The following C19orf47 variants were observed in gnomAD, a reference collection of about 807,000 sequenced individuals.
The protein encoded by C19orf47 is chromosome 19 open reading frame 47.
In C19orf47, 18 loss-of-function variants were observed where a neutral mutation model predicts 32.3. The ratio of observed to expected loss-of-function variants is 0.56; its 90% confidence interval spans 0.39 to 0.83. C19orf47 has a LOEUF of 0.83. C19orf47 is among the 40% of genes least tolerant of loss of function. The pLI is 0.00. For missense variants in C19orf47, 484 were observed against 531.6 expected (o/e 0.91, Z 0.88); for synonymous variants, 202 against 211.1 (o/e 0.96, Z 0.37).
chr19:40,321,560 G>A lies in C19orf47; in HGVS notation c.*322C>T, dbSNP rs1165974742. The A allele has an allele frequency of 1.8e-6, 2 of 1,110,670 alleles. No homozygotes were observed. Among genetic ancestry groups the A allele is most frequent in the African/African-American group, 1.6e-5 (1 of 61,234 alleles). 68.8% of individuals were successfully genotyped at this position (1,110,670 alleles called of 1,614,324 possible). On this transcript the variant is annotated 3_prime_UTR_variant, in exon 9 of 9. Coordinates refer to ENST00000683109, the MANE Select transcript of C19orf47 (RefSeq NM_001256441.2). ...AGGCAGCAGACCCTGCTCAGGGGAA[G>A]AAGGGGAATGTAGGAGAGGAAGAAG... is the stretch of plus-strand genomic sequence containing the variant.
chr19:40,294,048 A>G, the C19orf47 span, among the ~76,000 whole-genome samples: 1 of 152,080 alleles, frequency 6.6e-6, no homozygotes, highest in East Asian at 1.9e-4. Flanking sequence ...TGAACCTGTG[A>G]GGCGGAGGTT....
upstream of C19orf47, chr19:40,348,476 C>G (rs2078381631): frequency 6.7e-7 from 1 of 1,498,656 alleles, no homozygotes. Context: ...CCGCTCTACC[C>G]CAACAGGCCG....
intron 6 of C19orf47, among the ~76,000 whole-genome samples, chr19:40,328,133 G>A (rs1462157301): frequency 6.6e-6 from 1 of 152,112 alleles, no homozygotes; most frequent in East Asian, 1.9e-4. Context: ...GAACCCCTGA[G>A]TGAGAAGGCA....
intron 2 of C19orf47, among the ~76,000 whole-genome samples, chr19:40,338,632 C>T (rs2078117554): frequency 6.6e-6 from 1 of 152,016 alleles, no homozygotes; most frequent in South Asian, 2.1e-4. Context: ...ATCCACATGC[C>T]CTGGCCTCCC....
chr19:40,348,248 C>A, intron 1 of C19orf47, 76 bp downstream of exon 1: 1 of 1,038,742 alleles, frequency 9.6e-7, no homozygotes, highest in Non-Finnish European at 1.3e-6. Flanking sequence ...GGAGCCCGAA[C>A]TGAGTCCAGA....
rs1241159002 is a variant in C19orf47, at chr19:40,322,159, C to T, written c.881G>A (p.Arg294His). Reference sequence around the variant, plus strand: ...CCCAGACCGTGAGGAAAGCGCCAGGCGCCGCAGTGTCGGGGCAGCAGCCGT... The same window carrying T: ...CCCAGACCGTGAGGAAAGCGCCAGGTGCCGCAGTGTCGGGGCAGCAGCCGT... ...ATTAAAPTLR[R>H]LALSSRSGLE... Residue 294 changes from arginine to histidine, a missense_variant, in exon 9 of 9, where the codon CGC becomes CAC. Coordinates refer to ENST00000683109, the MANE Select transcript of C19orf47 (RefSeq NM_001256441.2). 5 of 1,613,394 alleles carry T rather than the reference C, an allele frequency of 3.1e-6. No homozygotes were observed. Among genetic ancestry groups the T allele is most frequent in the Middle Eastern group, 1.6e-4 (1 of 6,084 alleles).
chr19:40,345,883 CGCAG>C lies in C19orf47; in HGVS notation c.-34+2437_-34+2440del, dbSNP rs1568631113. ...AAAAAAAAAAGGAAAGGTGGCTGGGCGCAGTGGCTCATGCCTGTAATCCCAACGC... is the reference window on the plus strand; with the variant it reads ...AAAAAAAAAAGGAAAGGTGGCTGGGCTGGCTCATGCCTGTAATCCCAACGC... On this transcript the variant is annotated intron_variant, in intron 1 of 8. Transcript: ENST00000683109. 2.2e-5 allele frequency among the ~76,000 whole-genome samples: 3 copies of C among 137,590 alleles called. No individual in the cohort carries two copies. In the South Asian group the frequency reaches 7.0e-4, roughly 32 times the overall value. 90.3% of individuals were successfully genotyped at this position (137,590 alleles called of 152,430 possible).
chr19:40,298,899 G>A, the C19orf47 span, among the ~76,000 whole-genome samples: 30 of 152,100 alleles, frequency 2.0e-4, no homozygotes, highest in South Asian at 1.9e-3. Flanking sequence ...TGGTCAAACT[G>A]ACCAAAATTG....
chr19:40,338,266 T>TACACACAC (rs35520400), intron 2 of C19orf47, among the ~76,000 whole-genome samples: 3,315 of 143,522 alleles, frequency 0.023, 61 homozygotes, highest in East Asian at 0.079. Context: ...TACATATATA[T>TACACACAC]ACACACACAC....
chr19:40,298,314 A>AAG, the C19orf47 span, among the ~76,000 whole-genome samples: 18 of 150,656 alleles, frequency 1.2e-4, no homozygotes, highest in Middle Eastern at 3.2e-3. Flanking sequence ...AAAAAAAAAA[A>AAG]AAAAAGAAAA....
the C19orf47 span, among the ~76,000 whole-genome samples, chr19:40,302,933 C>A: frequency 6.6e-6 from 1 of 152,198 alleles, no homozygotes; most frequent in East Asian, 1.9e-4. Context: ...ACACCACCTT[C>A]ATGCCTACCA....
Position 40,321,764 on chromosome 19 carries a change from C to T in C19orf47, c.*118G>A, listed in dbSNP as rs925625791. On this transcript the variant is annotated 3_prime_UTR_variant, in exon 9 of 9. Transcript: ENST00000683109. ...AATGCTCGGGCCTAGCTCTAGAGCCCGAGGGAGACAAGCTGTGTCATCCAG... is the reference window on the plus strand; with the variant it reads ...AATGCTCGGGCCTAGCTCTAGAGCCTGAGGGAGACAAGCTGTGTCATCCAG... 33 of 1,438,184 alleles carry T rather than the reference C, an allele frequency of 2.3e-5. No homozygotes were observed. In the Admixed American group the frequency reaches 2.9e-4, roughly 13 times the overall value. The allele number at this position is 1,438,184 out of a possible 1,614,324, so 89.1% of individuals were successfully genotyped here.
chr19:40,301,543 T>C, the C19orf47 span, among the ~76,000 whole-genome samples: 43 of 151,586 alleles, frequency 2.8e-4, no homozygotes, highest in East Asian at 3.0e-3. Flanking sequence ...GGTTTCGCCA[T>C]GTTGGTCAGG....
the C19orf47 span, among the ~76,000 whole-genome samples, chr19:40,306,207 A>G: frequency 6.6e-6 from 1 of 151,760 alleles, no homozygotes; most frequent in African/African-American, 2.4e-5. Context: ...TAGGAACTAC[A>G]CACAAGTGTC....
At chr19:40,344,584 C>CTA (rs1266530907) in intron 1 of C19orf47, among the ~76,000 whole-genome samples, 1 of 152,194 alleles carries the variant, frequency 6.6e-6, no homozygotes, top group East Asian at 1.9e-4. Context: ...CAAGCACTAA[C>CTA]TATGCATCAG....
At chr19:40,328,907 T>C (rs980850296) in intron 5 of C19orf47, among the ~76,000 whole-genome samples, 5 of 152,126 alleles carry the variant, frequency 3.3e-5, no homozygotes, top group East Asian at 1.9e-4. Flanking sequence ...ACCTAGCAAG[T>C]AGGCGCTTCC....
At chr19:40,303,293 G>A in the C19orf47 span, among the ~76,000 whole-genome samples, 3 of 151,932 alleles carry the variant, frequency 2.0e-5, no homozygotes, top group Admixed American at 6.6e-5. Flanking sequence ...GGAGGCCGAG[G>A]TGGGGGGATC....
chr19:40,332,235 G>A (rs2077968727), intron 5 of C19orf47, among the ~76,000 whole-genome samples: 1 of 152,054 alleles, frequency 6.6e-6, no homozygotes, highest in Admixed American at 6.6e-5. Flanking sequence ...GCACACACAT[G>A]TAATCCCAGA....
At chr19:40,330,144 T>C (rs867981758) in intron 5 of C19orf47, among the ~76,000 whole-genome samples, 1 of 152,204 alleles carries the variant, frequency 6.6e-6, no homozygotes, top group African/African-American at 2.4e-5. Flanking sequence ...AGGAATGTTT[T>C]TAGAGCATTC....
Sources: gnomAD v4.1 joint callset for allele counts (sites outside exome capture counted in the v4.1 genomes callset) on GRCh38, gnomAD v4.1.1 for gene constraint, MANE v1.5 for transcripts, NCBI Gene and HGNC (gene_info 2026-07-23, HGNC 2026-07-21) for gene names.